RAB41: variants seen among roughly 807,000 people sequenced by gnomAD.
The protein encoded by RAB41 is ras-related protein Rab-41.
RAB41 carries 15 observed loss-of-function variants against 19.0 expected under a neutral mutation model. The ratio of observed to expected loss-of-function variants is 0.79; its 90% CI spans 0.53 to 1.21. RAB41 has a LOEUF of 1.21. RAB41 is among the 50% of genes most tolerant of loss of function. The pLI is 0.00. For synonymous variants in RAB41, 73 were observed against 64.7 expected (o/e 1.13, Z -0.62); for missense variants, 177 against 179.7 (o/e 0.99, Z 0.09).
Position 70,282,255 on chromosome X carries a change from C to A in RAB41, c.38C>A (p.Ala13Asp). The change falls in exon 1 of 8, where the codon GCC (alanine) becomes GAC (aspartate). Residue 13 changes from alanine to aspartate, a missense_variant. Transcript: ENST00000374473. ...GGTCACGACGAGGCCTGGATGGAGG[C>A]CGGAGGCTTTGGTCTGGAGGCTGCC... ...AFGHDEAWME[A>D]GGFGLEAAER... 8.3e-7 allele frequency: 1 copy of A among 1,211,845 alleles called. No homozygotes were observed. Among genetic ancestry groups the A allele is most frequent in the South Asian group, 1.8e-5 (1 of 57,016 alleles).
chrX:70,283,620 A>T lies in RAB41; in HGVS notation c.451A>T (p.Lys151Ter), dbSNP rs764882403. 8.6e-7 allele frequency: 1 copy of T among 1,168,687 alleles called. No homozygotes were observed. The highest frequency in any genetic ancestry group is 3.0e-5 in the East Asian group (1 of 33,619). Residue 151 changes from lysine to a stop codon, truncating the protein, a stop_gained, in exon 5 of 8, where the codon AAA (lysine) becomes TAA (stop). Coordinates refer to ENST00000374473, the MANE Select transcript of RAB41 (RefSeq NM_001363807.1). LOFTEE classifies it high-confidence loss of function. ...GGGTAACAAGATTGATTTGGATAAC[A>T]AAAGGTAAAGTATAACTACAACTTC... ...LLGNKIDLDN[K>*]RQVTAEQGEE...
intron 3 of RAB41, 135 bp downstream of exon 3, chrX:70,282,990 G>A: frequency 1.8e-6 from 1 of 549,435 alleles, no homozygotes; most frequent in African/African-American, 2.3e-5. Flanking sequence ...TGTTCTGTCT[G>A]CCTTCATCTA....
In RAB41 at chrX:70,282,940, A is replaced by C. The variant is rs2085696893; in HGVS notation, c.237+85A>C. ...CAGTTGGGTAGCACCATCAAAAAAA[A>C]CTGAAGCCTCTTCAAATTACCAAGC... On this transcript the variant is annotated intron_variant, in intron 3 of 7. Transcript: ENST00000374473. The C allele has an allele frequency of 3.8e-6, 3 of 786,210 alleles. No homozygotes were observed. The East Asian group carries it at 9.5e-5, about 25-fold the overall frequency. The allele number at this position is 786,210 out of a possible 1,213,427, so 64.8% of individuals were successfully genotyped here. A position where few individuals can be genotyped will look rare whatever the true frequency, so the allele number is the denominator to read the frequency against.
Position 70,284,664 on chromosome X carries a change from T to A in RAB41, c.*21T>A. The stretch of plus-strand genomic sequence containing the variant: ...GTTGACAGCTTAGGCTTTCTCTGCC[T>A]CATTTGATGGATTTCTTACATTTGG... On this transcript the variant is annotated 3_prime_UTR_variant, in exon 8 of 8. Transcript: ENST00000374473. The A allele has an allele frequency of 8.5e-7, 1 of 1,176,009 alleles. No individual in the cohort carries two copies.
chrX:70,283,504 C>T lies in RAB41; in HGVS notation c.344-9C>T. On this transcript the variant is annotated splice_polypyrimidine_tract_variant and intron_variant, in intron 4 of 7. Transcript: ENST00000374473. ...ATGTTTCAACGCTCTGGAACATATT[C>T]TCTTGCAGACATCAATTCTTTTAAG... 8.5e-7 allele frequency: 1 copy of T among 1,173,563 alleles called. No individual in the cohort carries two copies. Among genetic ancestry groups the T allele is most frequent in the Non-Finnish European group, 1.2e-6 (1 of 860,425 alleles).
chrX:70,282,919 T>C, intron 3 of RAB41, 64 bp downstream of exon 3: 1 of 951,784 alleles, frequency 1.1e-6, no homozygotes, highest in Non-Finnish European at 1.5e-6. Context: ...TCATCACAGT[T>C]GGGTAGCACC....
chrX:70,282,454 G>C, intron 1 of RAB41, 79 bp from the exon 2 acceptor site: 2 of 1,161,775 alleles, frequency 1.7e-6, no homozygotes, highest in South Asian at 1.8e-5. Flanking sequence ...GGAGTTGGAG[G>C]AGGAGGGAGG....
Position 70,284,760 on chromosome X carries a change from G to A in RAB41, c.*117G>A. 1.7e-6 allele frequency: 1 copy of A among 591,972 alleles called. No individual in the cohort carries two copies. 48.8% of individuals were successfully genotyped at this position (591,972 alleles called of 1,213,427 possible). ...GCCACTTACTCTCTTCCAATTCCTAGGCTTGGGGTAAAAACAGAACCCCTG... is the reference window on the plus strand; with the variant it reads ...GCCACTTACTCTCTTCCAATTCCTAAGCTTGGGGTAAAAACAGAACCCCTG... On this transcript the variant is annotated 3_prime_UTR_variant, in exon 8 of 8. Transcript: ENST00000374473.
chrX:70,282,485 G>A lies in RAB41; in HGVS notation c.125-48G>A, dbSNP rs367761018. 140 of 1,179,813 alleles carry A rather than the reference G, an allele frequency of 1.2e-4. No homozygotes were observed. The African/African-American group carries it at 2.2e-3, about 19-fold the overall frequency. On this transcript the variant is annotated intron_variant, in intron 1 of 7. Coordinates refer to ENST00000374473, the MANE Select transcript of RAB41 (RefSeq NM_001363807.1). ...GGAGGGCTCATAGAAACTTTGAGGGGAGAAAGGGCACTGAGGGCGACGATT... is the reference window on the plus strand; with the variant it reads ...GGAGGGCTCATAGAAACTTTGAGGGAAGAAAGGGCACTGAGGGCGACGATT...
rs779568807 is a variant in RAB41, at chrX:70,284,873, C to T, written c.*230C>T. The T allele has an allele frequency of 7.1e-5, 30 of 420,933 alleles. No homozygotes were observed. Among genetic ancestry groups the T allele is most frequent in the Middle Eastern group, 4.1e-4 (1 of 2,466 alleles). 34.7% of individuals were successfully genotyped at this position (420,933 alleles called of 1,213,427 possible). On this transcript the variant is annotated 3_prime_UTR_variant, in exon 8 of 8. Coordinates refer to ENST00000374473, the MANE Select transcript of RAB41 (RefSeq NM_001363807.1). ...CCTGGGAATTCTACCTTACCTTCTC[C>T]GACAGCTAAAAGACATCTGTAGAGA... is the stretch of plus-strand genomic sequence containing the variant.
In RAB41 at chrX:70,282,874, A is replaced by C. The variant is rs1280344655; in HGVS notation, c.237+19A>C. 8.5e-7 allele frequency: 1 copy of C among 1,170,451 alleles called. No individual in the cohort carries two copies. Among genetic ancestry groups the C allele is most frequent in the Non-Finnish European group, 1.2e-6 (1 of 858,887 alleles). On this transcript the variant is annotated intron_variant, in intron 3 of 7. Coordinates refer to ENST00000374473, the MANE Select transcript of RAB41 (RefSeq NM_001363807.1). ...CCAAATAGTGAGTGTTAACTCTCAT[A>C]CCACTAACCCTACACTTCAACCCCT...
chrX:70,282,563 T>C lies in RAB41; in HGVS notation c.155T>C (p.Met52Thr), dbSNP rs146258911. ...VGKTSIISRF[M>T]YNSFGCACQA... ...AAGACATCCATCATCAGCCGCTTCA[T>C]GTACAACAGCTTCGGCTGCGCCTGC... Residue 52 changes from methionine (M) to threonine (T), a missense_variant, in exon 2 of 8, where the codon ATG becomes ACG. Physicochemically the swap from Met to Thr is moderately conservative, Grantham distance 81 (BLOSUM62 -1). Transcript: ENST00000374473. 3.8e-5 allele frequency: 46 copies of C among 1,209,348 alleles called. No individual in the cohort carries two copies. In the East Asian group the frequency reaches 1.2e-3, roughly 31 times the overall value.
At position 70,284,692 on chromosome X, in the gene RAB41, T is replaced by C; in HGVS notation, c.*49T>C. ...TTTGATGGATTTCTTACATTTGGGCTTGCCATACCAGTTCTCCTCCCCACC... is the reference window on the plus strand; with the variant it reads ...TTTGATGGATTTCTTACATTTGGGCCTGCCATACCAGTTCTCCTCCCCACC... On this transcript the variant is annotated 3_prime_UTR_variant, in exon 8 of 8. Coordinates refer to ENST00000374473, the MANE Select transcript of RAB41 (RefSeq NM_001363807.1). The C allele has an allele frequency of 1.9e-6, 2 of 1,039,876 alleles. No homozygotes were observed. Among genetic ancestry groups the C allele is most frequent in the Non-Finnish European group, 2.7e-6 (2 of 739,406 alleles). The allele number at this position is 1,039,876 out of a possible 1,213,427, so 85.7% of individuals were successfully genotyped here. A position where few individuals can be genotyped will look rare whatever the true frequency, so the allele number is the denominator to read the frequency against.
intron 5 of RAB41, 133 bp from the exon 6 acceptor site, chrX:70,283,817 C>T (rs2085703139): frequency 5.6e-6 from 3 of 536,161 alleles, no homozygotes; most frequent in East Asian, 7.2e-5. Context: ...AGAGAGTCCC[C>T]ACCCTGTAGT....
chrX:70,282,658 C>T, intron 2 of RAB41, 67 bp downstream of exon 2: 1 of 1,108,237 alleles, frequency 9.0e-7, no homozygotes, highest in African/African-American at 1.8e-5. Flanking sequence ...CCTGGAGATT[C>T]TCCTCCTCAA....
In RAB41 at chrX:70,282,985, T is replaced by C. The variant is rs781244942; in HGVS notation, c.237+130T>C. On this transcript the variant is annotated intron_variant, in intron 3 of 7. Transcript: ENST00000374473. Reference sequence around the variant, plus strand: ...CCAAGCCCTATGATGTTTCTTGTTCTGTCTGCCTTCATCTAATCTCCAACT... The same window carrying C: ...CCAAGCCCTATGATGTTTCTTGTTCCGTCTGCCTTCATCTAATCTCCAACT... 8.7e-5 allele frequency: 49 copies of C among 565,093 alleles called. No individual in the cohort carries two copies. In the African/African-American group the frequency reaches 1.0e-3, roughly 12 times the overall value. The allele number at this position is 565,093 out of a possible 1,213,427, so 46.6% of individuals were successfully genotyped here.
intron 3 of RAB41, 29 bp downstream of exon 3, chrX:70,282,884 C>T (rs1339081266): frequency 1.7e-6 from 2 of 1,143,827 alleles, no homozygotes; most frequent in Non-Finnish European, 2.4e-6. Flanking sequence ...ACCACTAACC[C>T]TACACTTCAA....
At chrX:70,283,927 T>C in intron 5 of RAB41, 23 bp from the exon 6 acceptor site, 7 of 1,111,228 alleles carry the variant, frequency 6.3e-6, no homozygotes, top group Non-Finnish European at 7.5e-6. Context: ...TCTGGCCCTT[T>C]TCATCATTTC....
In RAB41 at chrX:70,283,581, GTCA is replaced by G. The variant is rs1461924772; in HGVS notation, c.417_419del (p.Ile139del). 2 of 1,208,668 alleles carry G rather than the reference GTCA, an allele frequency of 1.7e-6. No individual in the cohort carries two copies. Among genetic ancestry groups the G allele is most frequent in the Admixed American group, 4.3e-5 (2 of 46,083 alleles). ...GCGAGCAGAAAGAGGTGACGATGTT[GTCA>G]TCATGTTGTTGGGTAACAAGATTGA... On this transcript the variant is annotated inframe_deletion, in exon 5 of 8. Coordinates refer to ENST00000374473, the MANE Select transcript of RAB41 (RefSeq NM_001363807.1).
Sources: allele counts gnomAD v4.1 joint callset, GRCh38; gene constraint gnomAD v4.1.1; transcripts MANE v1.5; gene names NCBI Gene and HGNC (gene_info 2026-07-23, HGNC 2026-07-21).